The following IMMP1L variants were observed in gnomAD, a reference collection of about 807,000 sequenced individuals.
The protein encoded by IMMP1L is mitochondrial inner membrane protease subunit 1.
Under a neutral mutation model 21.8 loss-of-function variants are expected in IMMP1L, and 24 were observed. The observed-to-expected ratio is 1.10, with a 90% CI of 0.80 to 1.55. The LOEUF (loss-of-function observed/expected upper bound fraction) is 1.55, where lower values mean the gene tolerates loss of function less well. IMMP1L is among the 40% of genes most tolerant of loss of function. The pLI is 0.00. For missense variants in IMMP1L, 195 were observed against 200.7 expected (o/e 0.97, Z 0.17); for synonymous variants, 46 against 62.8 (o/e 0.73, Z 1.26).
intron 1 of IMMP1L, among the ~76,000 whole-genome samples, chr11:31,485,238 C>A (rs963934031): frequency 6.6e-6 from 1 of 151,788 alleles, no homozygotes; most frequent in Non-Finnish European, 1.5e-5. Context: ...CAGGTAGTAT[C>A]ATCTAATGTA....
In IMMP1L at chr11:31,433,549, A is replaced by G; in HGVS notation, c.343T>C (p.Leu115=). ...HSYVPMGHVW[L]EGDNLQNSTD... ...GAATTCTGTAGATTGTCACCTTCTA[A>G]CCAAACATGACCCATTGGCACCTAG... is the stretch of plus-strand genomic sequence containing the variant. The change falls in exon 5 of 6, where the codon TTA becomes CTA. Residue 115 remains leucine (L), a synonymous_variant. Coordinates refer to ENST00000532287, the MANE Select transcript of IMMP1L (RefSeq NM_001304274.2). 1 of 1,610,804 alleles carries G rather than the reference A, an allele frequency of 6.2e-7. No homozygotes were observed. Among genetic ancestry groups the G allele is most frequent in the Non-Finnish European group, 8.5e-7 (1 of 1,177,914 alleles).
chr11:31,495,396 T>G (rs1423829565), intron 1 of IMMP1L, among the ~76,000 whole-genome samples: 1 of 152,194 alleles, frequency 6.6e-6, no homozygotes, highest in Non-Finnish European at 1.5e-5. Context: ...CTTATAGCAG[T>G]GCCCCTCTCC....
At chr11:31,496,951 G>A (rs963844179) in intron 1 of IMMP1L, among the ~76,000 whole-genome samples, 12 of 144,752 alleles carry the variant, frequency 8.3e-5, no homozygotes, top group African/African-American at 2.3e-4. Context: ...CATCTATTAC[G>A]TATATCATAT....
intron 1 of IMMP1L, among the ~76,000 whole-genome samples, chr11:31,470,428 A>C (rs1465878354): frequency 6.7e-6 from 1 of 149,818 alleles, no homozygotes; most frequent in African/African-American, 2.5e-5. Context: ...AACAAAAAAC[A>C]AAAAACAAAA....
chr11:31,506,450 T>G (rs1191590641), intron 1 of IMMP1L, among the ~76,000 whole-genome samples: 1 of 151,872 alleles, frequency 6.6e-6, no homozygotes, highest in African/African-American at 2.4e-5. Flanking sequence ...CAGGAAGGTC[T>G]CGATCTTCTG....
intron 4 of IMMP1L, among the ~76,000 whole-genome samples, chr11:31,447,521 C>T (rs1953568396): frequency 6.6e-6 from 1 of 152,280 alleles, no homozygotes; most frequent in South Asian, 2.1e-4. Flanking sequence ...TCTTAAGTTG[C>T]ATCGAAGAAT....
chr11:31,469,047 C>A (rs928395453), intron 1 of IMMP1L, among the ~76,000 whole-genome samples: 1 of 152,136 alleles, frequency 6.6e-6, no homozygotes, highest in Admixed American at 6.5e-5. Flanking sequence ...ATTTCCTTAA[C>A]AACAAAATAT....
intron 1 of IMMP1L, among the ~76,000 whole-genome samples, chr11:31,494,627 C>T (rs1011418222): frequency 6.6e-5 from 10 of 151,686 alleles, no homozygotes; most frequent in African/African-American, 2.4e-4. Flanking sequence ...ATCACATAGT[C>T]AGGCTGCAAA....
At chr11:31,441,372 T>G (rs1022008157) in intron 4 of IMMP1L, among the ~76,000 whole-genome samples, 3 of 149,814 alleles carry the variant, frequency 2.0e-5, no homozygotes, top group African/African-American at 4.9e-5. Context: ...AGAGTTAACC[T>G]AACCTCTAAT....
At chr11:31,483,640 C>G (rs758781173) in intron 1 of IMMP1L, among the ~76,000 whole-genome samples, 15 of 151,892 alleles carry the variant, frequency 9.9e-5, no homozygotes, top group Non-Finnish European at 1.6e-4. Context: ...GAAGATTTGC[C>G]TTTATATGTG....
chr11:31,505,923 G>T (rs952297549), intron 1 of IMMP1L, among the ~76,000 whole-genome samples: 3 of 152,192 alleles, frequency 2.0e-5, no homozygotes, highest in African/African-American at 7.2e-5. Context: ...TTAATCCACA[G>T]ATGTCATTGG....
intron 1 of IMMP1L, among the ~76,000 whole-genome samples, chr11:31,480,134 A>G (rs1954847520): frequency 6.6e-6 from 1 of 152,076 alleles, no homozygotes. Context: ...AAAAGATAGC[A>G]ACTTCAAAAA....
chr11:31,443,842 T>C (rs1337323407), intron 4 of IMMP1L, among the ~76,000 whole-genome samples: 1 of 152,156 alleles, frequency 6.6e-6, no homozygotes, highest in Admixed American at 6.5e-5. Flanking sequence ...CACAAAAGTT[T>C]CAGTAGGCTA....
chr11:31,435,642 T>G (rs796434482), intron 4 of IMMP1L, among the ~76,000 whole-genome samples: 27 of 152,330 alleles, frequency 1.8e-4, no homozygotes, highest in African/African-American at 6.5e-4. Flanking sequence ...AAGAGGCATT[T>G]AATTCCTTCT....
intron 1 of IMMP1L, among the ~76,000 whole-genome samples, chr11:31,472,134 T>C (rs1258817662): frequency 6.6e-6 from 1 of 152,170 alleles, no homozygotes; most frequent in Non-Finnish European, 1.5e-5. Context: ...TTCACAATGA[T>C]CTCAAAATCC....
intron 4 of IMMP1L, among the ~76,000 whole-genome samples, chr11:31,450,625 T>C (rs905846044): frequency 6.6e-6 from 1 of 152,302 alleles, no homozygotes; most frequent in African/African-American, 2.4e-5. Flanking sequence ...GGTGGTCAGG[T>C]AGTCTTATCA....
chr11:31,473,313 T>A (rs934852438), intron 1 of IMMP1L, among the ~76,000 whole-genome samples: 3 of 152,144 alleles, frequency 2.0e-5, no homozygotes, highest in African/African-American at 7.2e-5. Context: ...CCTCCCAAAG[T>A]GCTGGGATTA....
At chr11:31,472,870 A>T (rs1223084) in intron 1 of IMMP1L, among the ~76,000 whole-genome samples, 56,436 of 151,600 alleles carry the variant, frequency 0.37, 12,594 homozygotes, top group African/African-American at 0.63. Flanking sequence ...TTATTTATTT[A>T]TTTATTTTTT....
At chr11:31,497,408 T>C (rs1282314648) in intron 1 of IMMP1L, among the ~76,000 whole-genome samples, 1 of 151,938 alleles carries the variant, frequency 6.6e-6, no homozygotes, top group Non-Finnish European at 1.5e-5. Context: ...TATTAGTGGT[T>C]GAAACAAGAG....
Sources: allele counts gnomAD v4.1 joint callset (sites outside exome capture counted in the v4.1 genomes callset), GRCh38; gene constraint gnomAD v4.1.1; transcripts MANE v1.5; gene names NCBI Gene and HGNC (gene_info 2026-07-23, HGNC 2026-07-21).